Variants in TENM3 observed in about 807,000 individuals in gnomAD.
TENM3 encodes the protein teneurin transmembrane protein 3.
Under a neutral mutation model 255.1 loss-of-function variants are expected in TENM3, and 63 were observed. That is an observed-to-expected ratio of 0.25 (90% CI 0.20 to 0.30). The LOEUF (loss-of-function observed/expected upper bound fraction) is 0.30. TENM3 is among the 10% of genes least tolerant of loss of function. TENM3 has a pLI of 1.00. For synonymous variants in TENM3, 1,306 were observed against 1,322.3 expected (o/e 0.99, Z 0.27); for missense variants, 2,929 against 3,461.1 (o/e 0.85, Z 3.86).
At chr4:181,502,246 C>G in the TENM3 span, among the ~76,000 whole-genome samples, 1 of 152,118 alleles carries the variant, frequency 6.6e-6, no homozygotes, top group African/African-American at 2.4e-5. Flanking sequence ...AGAGTGAACC[C>G]AATGTAAACT....
the TENM3 span, among the ~76,000 whole-genome samples, chr4:182,097,510 A>T: frequency 1.3e-5 from 2 of 152,192 alleles, no homozygotes; most frequent in East Asian, 3.9e-4. Flanking sequence ...GTCCCTATGC[A>T]GTGCTTTATG....
the TENM3 span, among the ~76,000 whole-genome samples, chr4:182,066,599 A>AAT: frequency 5.3e-3 from 726 of 137,106 alleles, 3 homozygotes; most frequent in African/African-American, 0.019. Flanking sequence ...GTAAAAAAAA[A>AAT]ATATATATAT....
the TENM3 span, among the ~76,000 whole-genome samples, chr4:182,045,460 G>A: frequency 0.12 from 17,795 of 151,194 alleles, 1,166 homozygotes; most frequent in Non-Finnish European, 0.15. Flanking sequence ...CATAACCTAC[G>A]AAAGAACAGG....
chr4:182,250,054 C>CTTTTTT (rs957483629), intron 1 of TENM3, among the ~76,000 whole-genome samples: 1 of 128,448 alleles, frequency 7.8e-6, no homozygotes, highest in African/African-American at 3.0e-5. Flanking sequence ...TTTCTTTTTT[C>CTTTTTT]TTTTTTTTTT....
the TENM3 span, among the ~76,000 whole-genome samples, chr4:182,097,249 G>A: frequency 3.9e-5 from 6 of 151,952 alleles, no homozygotes; most frequent in African/African-American, 1.5e-4. Context: ...AAGCCCTTAG[G>A]GAAGCTTCTC....
the TENM3 span, among the ~76,000 whole-genome samples, chr4:181,921,589 C>G: frequency 3.3e-5 from 5 of 152,120 alleles, no homozygotes; most frequent in African/African-American, 4.8e-5. Context: ...GATTTTGTAT[C>G]CTGAGACTTT....
At chr4:182,222,685 T>C (rs1244987439) in intron 1 of TENM3, among the ~76,000 whole-genome samples, 1 of 152,248 alleles carries the variant, frequency 6.6e-6, no homozygotes, top group Non-Finnish European at 1.5e-5. Flanking sequence ...TTTACATTTA[T>C]TCAGAACCTC....
the TENM3 span, among the ~76,000 whole-genome samples, chr4:182,015,312 G>A: frequency 2.0e-5 from 3 of 152,176 alleles, no homozygotes; most frequent in Non-Finnish European, 4.4e-5. Context: ...ACGGCAGCCA[G>A]GTGGTCATAC....
the TENM3 span, among the ~76,000 whole-genome samples, chr4:181,755,176 A>G: frequency 1.2e-3 from 182 of 152,280 alleles, no homozygotes; most frequent in African/African-American, 4.1e-3. Flanking sequence ...ATTTTATTCT[A>G]ATGATATTTA....
At chr4:181,601,572 G>A in the TENM3 span, among the ~76,000 whole-genome samples, 1 of 152,062 alleles carries the variant, frequency 6.6e-6, no homozygotes, top group Non-Finnish European at 1.5e-5. Context: ...AGTCTAAATT[G>A]TTACATGTAC....
At chr4:182,268,746 A>G (rs1340535918) in intron 1 of TENM3, among the ~76,000 whole-genome samples, 2 of 152,204 alleles carry the variant, frequency 1.3e-5, no homozygotes, top group East Asian at 3.9e-4. Flanking sequence ...ACAGTTTACA[A>G]ATGCCATGAC....
chr4:182,187,430 G>A (rs1167704134), intron 1 of TENM3, among the ~76,000 whole-genome samples: 1 of 152,124 alleles, frequency 6.6e-6, no homozygotes, highest in East Asian at 1.9e-4. Flanking sequence ...GTCCTTCTTT[G>A]AGTCAAAGGA....
chr4:181,959,065 G>T, the TENM3 span, among the ~76,000 whole-genome samples: 60,187 of 151,922 alleles, frequency 0.4, 12,506 homozygotes, highest in African/African-American at 0.51. Context: ...TTGGTTTGGT[G>T]AATCGATTAT....
chr4:182,090,003 A>G, the TENM3 span, among the ~76,000 whole-genome samples: 1 of 152,230 alleles, frequency 6.6e-6, no homozygotes, highest in African/African-American at 2.4e-5. Context: ...CTGGACTACA[A>G]CAAAAAATAA....
chr4:182,514,722 CT>C (rs1485124870), intron 3 of TENM3, among the ~76,000 whole-genome samples: 4 of 152,004 alleles, frequency 2.6e-5, no homozygotes, highest in Non-Finnish European at 5.9e-5. Context: ...ACAACTCACT[CT>C]TTGGAAAACA....
intron 3 of TENM3, among the ~76,000 whole-genome samples, chr4:182,387,116 C>G (rs183393836): frequency 3.3e-5 from 5 of 152,228 alleles, no homozygotes; most frequent in African/African-American, 1.2e-4. Flanking sequence ...ATGCACCAAC[C>G]GACACCCTGT....
At position 182,801,189 on chromosome 4, in the gene TENM3, G is replaced by A. The variant is rs1240971478; in HGVS notation, c.*838G>A. The A allele has an allele frequency of 6.6e-6, 1 of 152,572 alleles. No individual in the cohort carries two copies. The highest frequency in any genetic ancestry group is 6.5e-5 in the Admixed American group (1 of 15,284). 9.5% of individuals were successfully genotyped at this position (152,572 alleles called of 1,614,324 possible). A position where few individuals can be genotyped will look rare whatever the true frequency, so the allele number is the denominator to read the frequency against. On this transcript the variant is annotated 3_prime_UTR_variant, in exon 28 of 28. Coordinates refer to ENST00000511685, the MANE Select transcript of TENM3 (RefSeq NM_001080477.4). ...GTTATCTGTTATAGCTGTACAGTAT[G>A]AATTATTATATTGTAGAGATATAAC...
chr4:181,530,262 T>C, the TENM3 span, among the ~76,000 whole-genome samples: 2 of 152,320 alleles, frequency 1.3e-5, no homozygotes, highest in Admixed American at 6.5e-5. Context: ...GAATGAATAA[T>C]TGAAATTTTG....
rs755442780 is a variant in TENM3 at position 182,653,788 on chromosome 4, C to G, written c.1006C>G (p.Leu336Val). 14 of 1,611,172 alleles carry G rather than the reference C, an allele frequency of 8.7e-6. No homozygotes were observed. The highest frequency in any genetic ancestry group is 1.1e-5 in the South Asian group (1 of 90,642). Residue 336 changes from leucine (L) to valine (V), a missense_variant, in exon 6 of 28, where the codon CTC (leucine) becomes GTC (valine). Physicochemically the swap from Leu to Val is conservative, Grantham distance 32. Transcript: ENST00000511685. The stretch of plus-strand genomic sequence containing the variant: ...ACCCCCAGCAATGCATCTCTTTGGC[C>G]TCAACTGGCAGCTACAGCAGACTGA... ...SYFIAMHLFG[L>V]NWQLQQTEND...
Sources: gnomAD v4.1 joint callset for allele counts (sites outside exome capture counted in the v4.1 genomes callset) on GRCh38, gnomAD v4.1.1 for gene constraint, MANE v1.5 for transcripts, NCBI Gene and HGNC (gene_info 2026-07-23, HGNC 2026-07-21) for gene names.